Variants in CDH11 observed in about 807,000 individuals in gnomAD.
CDH11 encodes cadherin 11.
CDH11 carries 11 observed loss-of-function variants against 67.8 expected under a neutral mutation model. The observed-to-expected ratio is 0.16, with a 90% CI of 0.10 to 0.27. The LOEUF is 0.27. Among genes scored for constraint, CDH11 ranks in the 10% least tolerant of loss-of-function variants. CDH11 has a pLI of 1.00. For synonymous variants in CDH11, 419 were observed against 400.0 expected, an observed-to-expected ratio of 1.05 and a Z score of -0.57; for missense variants, 847 against 1,031.2, an observed-to-expected ratio of 0.82 and a Z score of 2.45.
Position 65,117,920 on chromosome 16 carries a change from AC to A in CDH11, c.-298+3959del, listed in dbSNP as rs548796249. On this transcript the variant is annotated intron_variant, in intron 1 of 12. Coordinates refer to ENST00000268603, the MANE Select transcript of CDH11 (RefSeq NM_001797.4). ...CCCGGCTGCTGCTCAATGTCAAGTT[AC>A]AGGATTTCCCAACTTTCTAGTAAAC... 3.8e-3 allele frequency among the ~76,000 whole-genome samples: 583 copies of A among 152,254 alleles called. 14 individuals carry two copies. The highest frequency in any genetic ancestry group is 7.1e-4 in the Non-Finnish European group (48 of 68,014).
chr16:64,964,712 A>C (rs964604271), intron 11 of CDH11, among the ~76,000 whole-genome samples: 4 of 151,614 alleles, frequency 2.6e-5, no homozygotes, highest in East Asian at 2.0e-4. Context: ...CCACACCCGG[A>C]TAATTTTTTG....
chr16:65,046,969 C>T (rs1349141626), intron 2 of CDH11, among the ~76,000 whole-genome samples: 3 of 152,124 alleles, frequency 2.0e-5, no homozygotes, highest in Admixed American at 1.3e-4. Flanking sequence ...ATTAGCCAGC[C>T]GTGGTGGCAT....
At position 64,950,840 on chromosome 16, in the gene CDH11, C is replaced by G. The variant is rs1291720990; in HGVS notation, c.1821G>C (p.Glu607Asp). The G allele has an allele frequency of 6.2e-7, 1 of 1,614,204 alleles. No individual in the cohort carries two copies. The highest frequency in any genetic ancestry group is 8.5e-7 in the Non-Finnish European group (1 of 1,180,030). ...TCAGGCCGGCGTTCAGAATGTAGGC[C>G]TCTGCGTTGCAGGAGAGCAGTGCCC... ...VNGALLSCNAEAYILNAGLST... is the reference protein window; with the variant it reads ...VNGALLSCNADAYILNAGLST... Residue 607 changes from glutamate (E) to aspartate (D), a missense_variant, in exon 12 of 13, where the codon GAG becomes GAC. Physicochemically the swap from Glu to Asp is conservative, Grantham distance 45. This residue lies in a region of CDH11 where 612 missense variants were observed against 678.7 expected (regional missense o/e 0.90). Coordinates refer to ENST00000268603, the MANE Select transcript of CDH11 (RefSeq NM_001797.4).
At chr16:65,107,960 G>A (rs2075092696) in intron 1 of CDH11, among the ~76,000 whole-genome samples, 1 of 152,148 alleles carries the variant, frequency 6.6e-6, no homozygotes, top group Non-Finnish European at 1.5e-5. Context: ...CCTAGAGGAA[G>A]GGAATCACAG....
Position 64,946,729 on chromosome 16 carries a change from A to G in CDH11, c.*874T>C, listed in dbSNP as rs2071204710. 5 of 903,778 alleles carry G rather than the reference A, an allele frequency of 5.5e-6. No individual in the cohort carries two copies. Among genetic ancestry groups the G allele is most frequent in the Non-Finnish European group, 6.7e-6 (5 of 744,096 alleles). The allele number at this position is 903,778 out of a possible 1,614,324, so 56.0% of individuals were successfully genotyped here. A position where few individuals can be genotyped will look rare whatever the true frequency, so the allele number is the denominator to read the frequency against. On this transcript the variant is annotated 3_prime_UTR_variant, in exon 13 of 13. Coordinates refer to ENST00000268603, the MANE Select transcript of CDH11 (RefSeq NM_001797.4). ...ACAATTAAATTAGAAATATAAATGG[A>G]TCATTAGAAATACTTAACGTTTGTT...
At chr16:65,077,635 C>T (rs1467416215) in intron 1 of CDH11, among the ~76,000 whole-genome samples, 3 of 152,158 alleles carry the variant, frequency 2.0e-5, no homozygotes, top group Admixed American at 6.5e-5. Context: ...CTATAGGTAC[C>T]TTATAAGGAA....
At chr16:65,097,168 T>C (rs892611266) in intron 1 of CDH11, among the ~76,000 whole-genome samples, 1 of 152,156 alleles carries the variant, frequency 6.6e-6, no homozygotes, top group Non-Finnish European at 1.5e-5. Context: ...GGGAAAAACA[T>C]ATTTGTAAGT....
chr16:65,004,854 A>G lies in CDH11; in HGVS notation c.16T>C (p.Cys6Arg), dbSNP rs200019384. The change falls in exon 3 of 13, where the codon TGT becomes CGT. Residue 6 changes from cysteine to arginine, a missense_variant. By Grantham distance (180) the Cys-to-Arg change is radical. Transcript: ENST00000268603. ...AGGCACACCAGGGCGGCTTGTAAACAGTAGTTCTCCTTCATTTTTGGTTAC... is the reference window on the plus strand; with the variant it reads ...AGGCACACCAGGGCGGCTTGTAAACGGTAGTTCTCCTTCATTTTTGGTTAC... MKENY[C>R]LQAALVCLGM... 9.8e-6 allele frequency: 15 copies of G among 1,537,412 alleles called. No homozygotes were observed. Among genetic ancestry groups the G allele is most frequent in the Non-Finnish European group, 1.1e-5 (13 of 1,138,980 alleles).
chr16:65,112,069 C>CA (rs35671651), intron 1 of CDH11, among the ~76,000 whole-genome samples: 47,639 of 90,966 alleles, frequency 0.52, 10,497 homozygotes, highest in South Asian at 0.54. Context: ...GACTCTGTCT[C>CA]AAAAAAAAAA....
intron 2 of CDH11, among the ~76,000 whole-genome samples, chr16:65,008,071 T>C (rs999964151): frequency 2.0e-5 from 3 of 152,250 alleles, no homozygotes; most frequent in Admixed American, 1.3e-4. Context: ...CCATGAAGTG[T>C]ATTAGAAAGA....
At chr16:65,044,352 G>A (rs1404517851) in intron 2 of CDH11, among the ~76,000 whole-genome samples, 1 of 152,130 alleles carries the variant, frequency 6.6e-6, no homozygotes, top group Admixed American at 6.5e-5. Flanking sequence ...CACATTTAGA[G>A]GATGCACAGA....
At position 64,982,209 on chromosome 16, in the gene CDH11, G is replaced by C. The variant is rs779382579; in HGVS notation, c.1092C>G (p.Phe364Leu). 6.2e-7 allele frequency: 1 copy of C among 1,614,036 alleles called. No individual in the cohort carries two copies. Among genetic ancestry groups the C allele is most frequent in the Non-Finnish European group, 8.5e-7 (1 of 1,179,902 alleles). Reference protein sequence around the residue: ...IDPKFISNGPFKDTVTVKISV... With the variant: ...IDPKFISNGPLKDTVTVKISV... ...AGATCTTGACGGTCACAGTGTCCTT[G>C]AAAGGGCCATTGCTGATAAACTTCG... Residue 364 changes from phenylalanine to leucine, a missense_variant, in exon 8 of 13, where the codon TTC (phenylalanine) becomes TTG (leucine). By Grantham distance (22) the Phe-to-Leu change is conservative. Around this residue, in one of 2 missense-constraint regions of CDH11, gnomAD observed 612 missense variants for 678.7 expected, o/e 0.90. Transcript: ENST00000268603.
chr16:64,971,904 A>G, intron 10 of CDH11, 27 bp downstream of exon 10: 1 of 1,612,594 alleles, frequency 6.2e-7, no homozygotes, highest in Non-Finnish European at 8.5e-7. Context: ...CATTGTTCCT[A>G]GCCAAGAATA....
At chr16:65,008,192 T>C (rs2062926449) in intron 2 of CDH11, among the ~76,000 whole-genome samples, 1 of 152,262 alleles carries the variant, frequency 6.6e-6, no homozygotes, top group African/African-American at 2.4e-5. Context: ...TGACAACTTT[T>C]TTCTTTTATA....
In CDH11 at chr16:64,998,926, T is replaced by G; in HGVS notation, c.229-70A>C. ...AGTGGGGAAACTCACTTACAAGTGA[T>G]TGCAACAATCTGCTGCGCACACACA... On this transcript the variant is annotated intron_variant, in intron 3 of 12. Transcript: ENST00000268603. 4.6e-6 allele frequency: 6 copies of G among 1,293,342 alleles called. No individual in the cohort carries two copies. The South Asian group carries it at 6.5e-5, about 14-fold the overall frequency. 80.1% of individuals were successfully genotyped at this position (1,293,342 alleles called of 1,614,324 possible).
Position 64,947,215 on chromosome 16 carries a change from A to G in CDH11, c.*388T>C. 3 of 1,097,190 alleles carry G rather than the reference A, an allele frequency of 2.7e-6. No individual in the cohort carries two copies. Among genetic ancestry groups the G allele is most frequent in the Non-Finnish European group, 3.3e-6 (3 of 897,634 alleles). 68.0% of individuals were successfully genotyped at this position (1,097,190 alleles called of 1,614,324 possible). A position where few individuals can be genotyped will look rare whatever the true frequency, so the allele number is the denominator to read the frequency against. ...AGTTTAAGGCGAAATTACAGCTCAG[A>G]ACTGTTGTCCTTTCTAATTTTGTGG... On this transcript the variant is annotated 3_prime_UTR_variant, in exon 13 of 13. Coordinates refer to ENST00000268603, the MANE Select transcript of CDH11 (RefSeq NM_001797.4).
chr16:64,971,665 T>G lies in CDH11; in HGVS notation c.1556A>C (p.Asp519Ala). The change falls in exon 11 of 13, where the codon GAT becomes GCT. Residue 519 changes from aspartate to alanine, a missense_variant. Physicochemically the swap from Asp to Ala is moderately radical, Grantham distance 126. Transcript: ENST00000268603. ...AAATCTTGGTCCATTGGCCGTGTCA[T>G]CCTTGTCATCTGCACTAATTGTAAC... ...PIVTISADDK[D>A]DTANGPRFIF... 1 of 1,613,002 alleles carries G rather than the reference T, an allele frequency of 6.2e-7. No homozygotes were observed. Among genetic ancestry groups the G allele is most frequent in the Non-Finnish European group, 8.5e-7 (1 of 1,179,274 alleles).
At position 64,947,764 on chromosome 16, in the gene CDH11, C is replaced by T. The variant is rs374889086; in HGVS notation, c.2230G>A (p.Gly744Ser). The change falls in exon 13 of 13, where the codon GGT (glycine) becomes AGT (serine). Residue 744 changes from glycine to serine, a missense_variant. Coordinates refer to ENST00000268603, the MANE Select transcript of CDH11 (RefSeq NM_001797.4). ...APPYDSIQIY[G>S]YEGRGSVAGS... ...GCCACTGAGCCCCTGCCTTCATAAC[C>T]GTAGATTTGAATGGAGTCATAAGGA... 1.1e-5 allele frequency: 18 copies of T among 1,614,020 alleles called. No individual in the cohort carries two copies. Among genetic ancestry groups the T allele is most frequent in the East Asian group, 2.2e-5 (1 of 44,880 alleles).
chr16:65,096,443 GTATATATA>G (rs60633017), intron 1 of CDH11, among the ~76,000 whole-genome samples: 2 of 138,434 alleles, frequency 1.4e-5, no homozygotes, highest in African/African-American at 2.8e-5. Flanking sequence ...GTGTGTGTGT[GTATATATA>G]TGTTTATATA....
Sources: allele counts gnomAD v4.1 joint callset (sites outside exome capture counted in the v4.1 genomes callset), GRCh38; gene constraint gnomAD v4.1.1; regional missense constraint gnomAD v4.1.1; transcripts MANE v1.5; gene names NCBI Gene and HGNC (gene_info 2026-07-23, HGNC 2026-07-21).